The following NCAM2 variants were observed in gnomAD, a reference collection of about 807,000 sequenced individuals.
NCAM2 encodes the protein neural cell adhesion molecule 2.
In NCAM2, 30 loss-of-function variants were observed where a neutral mutation model predicts 98.1. The ratio of observed to expected loss-of-function variants is 0.31; its 90% CI spans 0.23 to 0.41. The LOEUF (loss-of-function observed/expected upper bound fraction) is 0.41. Ranked by LOEUF, NCAM2 falls within the 10% of genes least tolerant of loss-of-function variation. The probability of loss-of-function intolerance (pLI) is 1.00; values close to 1 mark genes in which losing one functional copy is unlikely to be tolerated. For synonymous variants in NCAM2, 368 were observed against 342.4 expected, an observed-to-expected ratio of 1.07 and a Z score of -0.83; for missense variants, 867 against 1,005.8, an observed-to-expected ratio of 0.86 and a Z score of 1.87.
At chr21:21,245,827 G>A (rs1282417895) in intron 1 of NCAM2, among the ~76,000 whole-genome samples, 8 of 147,618 alleles carry the variant, frequency 5.4e-5, no homozygotes, top group Non-Finnish European at 1.5e-5. Flanking sequence ...AGAGATAAAT[G>A]GCAGATGGTT....
chr21:21,068,135 C>CTTTTTTTTTTTT (rs68078560), intron 1 of NCAM2, among the ~76,000 whole-genome samples: 1 of 88,558 alleles, frequency 1.1e-5, no homozygotes, highest in Non-Finnish European at 2.3e-5. Flanking sequence ...ACTTTTTTTT[C>CTTTTTTTTTTTT]TTTTTTTTTT....
At chr21:21,355,840 C>T (rs1371302912) in intron 8 of NCAM2, among the ~76,000 whole-genome samples, 1 of 151,916 alleles carries the variant, frequency 6.6e-6, no homozygotes, top group Admixed American at 6.6e-5. Flanking sequence ...AACTCCTGAC[C>T]TCAGGTGATC....
At chr21:21,205,150 T>C (rs894725768) in intron 1 of NCAM2, among the ~76,000 whole-genome samples, 2 of 152,208 alleles carry the variant, frequency 1.3e-5, no homozygotes, top group African/African-American at 4.8e-5. Flanking sequence ...CTACCATTAA[T>C]GGTGTGGATA....
chr21:21,015,979 A>G (rs116744310), intron 1 of NCAM2, among the ~76,000 whole-genome samples: 3,807 of 152,228 alleles, frequency 0.025, 69 homozygotes, highest in African/African-American at 0.045. Context: ...AAATGCTGGC[A>G]TTACAGACGT....
At chr21:21,250,793 T>C (rs754444253) in intron 1 of NCAM2, among the ~76,000 whole-genome samples, 1 of 152,232 alleles carries the variant, frequency 6.6e-6, no homozygotes, top group Non-Finnish European at 1.5e-5. Flanking sequence ...ATAAAGTGTA[T>C]TAAATTTCAT....
intron 8 of NCAM2, among the ~76,000 whole-genome samples, chr21:21,359,701 T>C (rs2075594617): frequency 6.6e-6 from 1 of 151,940 alleles, no homozygotes; most frequent in Non-Finnish European, 1.5e-5. Context: ...TTTCTTCTTA[T>C]AAATACCATA....
intron 8 of NCAM2, among the ~76,000 whole-genome samples, chr21:21,346,302 A>T (rs1009930715): frequency 7.2e-5 from 11 of 152,050 alleles, no homozygotes; most frequent in Non-Finnish European, 1.6e-4. Flanking sequence ...AGGTTAATAT[A>T]TAATGACAAA....
intron 1 of NCAM2, among the ~76,000 whole-genome samples, chr21:21,091,304 G>C (rs375116517): frequency 6.6e-6 from 1 of 152,104 alleles, no homozygotes; most frequent in East Asian, 1.9e-4. Flanking sequence ...TTATGCATTA[G>C]ATACACAACC....
chr21:21,292,368 C>A, intron 5 of NCAM2, 127 bp downstream of exon 5: 1 of 879,130 alleles, frequency 1.1e-6, no homozygotes, highest in Non-Finnish European at 1.7e-6. Flanking sequence ...AGGAAGAAAT[C>A]TTTCCATCTT....
intron 16 of NCAM2, among the ~76,000 whole-genome samples, chr21:21,509,816 C>T (rs2146357499): frequency 6.6e-6 from 1 of 152,220 alleles, no homozygotes; most frequent in South Asian, 2.1e-4. Context: ...GCAAAAAATT[C>T]AGCAAGCACA....
intron 1 of NCAM2, among the ~76,000 whole-genome samples, chr21:21,071,410 T>C (rs1273434326): frequency 6.6e-6 from 1 of 152,098 alleles, no homozygotes; most frequent in Non-Finnish European, 1.5e-5. Context: ...CAAAATAAAA[T>C]GTTCTGGGAG....
chr21:21,185,600 A>G (rs1204723455), intron 1 of NCAM2, among the ~76,000 whole-genome samples: 4 of 152,172 alleles, frequency 2.6e-5, no homozygotes, highest in Admixed American at 6.6e-5. Context: ...TGGTTTAGTC[A>G]CATCTCCCAA....
intron 11 of NCAM2, among the ~76,000 whole-genome samples, chr21:21,430,639 A>G (rs2077315067): frequency 6.6e-6 from 1 of 151,926 alleles, no homozygotes; most frequent in African/African-American, 2.4e-5. Flanking sequence ...TTATAAAACA[A>G]TCTTATCTCA....
At chr21:21,011,818 G>A (rs2064217251) in intron 1 of NCAM2, among the ~76,000 whole-genome samples, 1 of 151,890 alleles carries the variant, frequency 6.6e-6, no homozygotes, top group Non-Finnish European at 1.5e-5. Context: ...AAAAAAAGGG[G>A]GCCAAACAAC....
intron 1 of NCAM2, among the ~76,000 whole-genome samples, chr21:21,095,005 A>G (rs1203202683): frequency 6.6e-6 from 1 of 151,766 alleles, no homozygotes; most frequent in African/African-American, 2.4e-5. Flanking sequence ...TTCTCTATAT[A>G]TAGATTAGTT....
chr21:21,439,268 G>A (rs1208606896), intron 12 of NCAM2, among the ~76,000 whole-genome samples: 1 of 151,890 alleles, frequency 6.6e-6, no homozygotes, highest in African/African-American at 2.4e-5. Context: ...ACAGGTGCGC[G>A]CCATCACATC....
chr21:21,428,883 G>T (rs1602312323), intron 11 of NCAM2, among the ~76,000 whole-genome samples: 1 of 152,262 alleles, frequency 6.6e-6, no homozygotes, highest in East Asian at 1.9e-4. Context: ...AGTATTTCCT[G>T]AGAACTTACT....
intron 1 of NCAM2, among the ~76,000 whole-genome samples, chr21:21,044,035 T>TTGTGTGTG (rs61626238): frequency 1.3e-5 from 2 of 150,094 alleles, no homozygotes; most frequent in African/African-American, 4.9e-5. Flanking sequence ...TTTGAAGACT[T>TTGTGTGTG]TGTGTGTGTG....
chr21:21,337,698 T>C (rs2074911144), intron 7 of NCAM2, among the ~76,000 whole-genome samples: 1 of 152,010 alleles, frequency 6.6e-6, no homozygotes, highest in Non-Finnish European at 1.5e-5. Context: ...AATATTAAGA[T>C]AATTAAAATT....
Sources: gnomAD v4.1 joint callset for allele counts (sites outside exome capture counted in the v4.1 genomes callset) on GRCh38, gnomAD v4.1.1 for gene constraint, MANE v1.5 for transcripts, NCBI Gene and HGNC (gene_info 2026-07-23, HGNC 2026-07-21) for gene names.